The following ZNHIT3 variants were observed in gnomAD, a reference collection of about 807,000 sequenced individuals.
ZNHIT3 encodes the protein zinc finger HIT domain-containing protein 3.
ZNHIT3 carries 27 observed loss-of-function variants against 19.9 expected under a neutral mutation model. That is an observed-to-expected ratio of 1.36 (90% CI 1.00 to 1.87). The LOEUF (loss-of-function observed/expected upper bound fraction) is 1.87. Ranked by LOEUF, ZNHIT3 falls within the 40% of genes most tolerant of loss-of-function variation. The pLI is 0.00. For missense variants in ZNHIT3, 215 were observed against 185.6 expected (o/e 1.16, Z -0.92); for synonymous variants, 81 against 65.7 (o/e 1.23, Z -1.13).
chr17:36,492,751 G>A, intron 2 of ZNHIT3, 62 bp from the exon 3 acceptor site: 1 of 1,457,400 alleles, frequency 6.9e-7, no homozygotes, highest in African/African-American at 1.4e-5. Flanking sequence ...ACCTTGGTAG[G>A]GAGGTGCAGC....
chr17:36,486,810 A>G, intron 1 of ZNHIT3, 25 bp downstream of exon 1: 1 of 1,441,734 alleles, frequency 6.9e-7, no homozygotes. Flanking sequence ...CGCGGGGTCC[A>G]GGGGCGCGGG....
chr17:36,495,125 GATAGTTTT>G, intron 4 of ZNHIT3, 90 bp from the exon 5 acceptor site: 1 of 1,434,880 alleles, frequency 7.0e-7, no homozygotes, highest in Non-Finnish European at 9.3e-7. Context: ...ACACCTTGCT[GATAGTTTT>G]ATTACACTTG....
At position 36,495,806 on chromosome 17, in the gene ZNHIT3, A is replaced by T. The variant is rs2070918172; in HGVS notation, c.*402A>T. On this transcript the variant is annotated 3_prime_UTR_variant, in exon 5 of 5. Coordinates refer to ENST00000617429, the MANE Select transcript of ZNHIT3 (RefSeq NM_004773.4). ...GTTTGAAATTACATTAAATAAATCA[A>T]CTAATTAAATACTAAAGTTTTGTTC... The T allele has an allele frequency of 1.6e-6, 2 of 1,241,228 alleles. No homozygotes were observed. 76.9% of individuals were successfully genotyped at this position (1,241,228 alleles called of 1,614,324 possible).
At chr17:36,489,983 A>G (rs1374925017) in intron 2 of ZNHIT3, 1 of 139,386 alleles carries the variant, frequency 7.2e-6, no homozygotes, top group Non-Finnish European at 1.5e-5. Context: ...TGTATTCTAG[A>G]TATTAATCCT....
At chr17:36,498,007 A>G (rs1191121050), downstream of ZNHIT3, 2 of 483,258 alleles carry the variant, frequency 4.1e-6, no homozygotes, top group Non-Finnish European at 7.3e-6. Flanking sequence ...GCATTTGGAA[A>G]TGGGACTAGA....
At chr17:36,491,841 C>T (rs955236369) in intron 2 of ZNHIT3, 5 of 152,192 alleles carry the variant, frequency 3.3e-5, no homozygotes, top group Admixed American at 6.5e-5. Flanking sequence ...ATAGCATAGC[C>T]GTAAAGTTAG....
At chr17:36,497,332 A>C (rs1238214502), downstream of ZNHIT3, among the ~76,000 whole-genome samples, 1 of 151,678 alleles carries the variant, frequency 6.6e-6, no homozygotes, top group Non-Finnish European at 1.5e-5. Flanking sequence ...AAAAAAAAAA[A>C]AACCCACAGA....
Position 36,490,171 on chromosome 17 carries a change from C to T in ZNHIT3, c.119-2642C>T, listed in dbSNP as rs141544040. The T allele has an allele frequency of 1.4e-3, 206 of 152,138 alleles. 2 individuals are homozygous for T. The highest frequency in any genetic ancestry group is 4.6e-3 in the African/African-American group (189 of 41,496). 9.4% of individuals were successfully genotyped at this position (152,138 alleles called of 1,614,324 possible). On this transcript the variant is annotated intron_variant, in intron 2 of 4. Coordinates refer to ENST00000617429, the MANE Select transcript of ZNHIT3 (RefSeq NM_004773.4). ...ATAAAATCTTTGCCTAGACCAATGT[C>T]CTGAAGCATTTCCCCTGTGTTTTCT...
chr17:36,489,955 T>TTTTTTTG (rs57745765), intron 2 of ZNHIT3: 34 of 150,096 alleles, frequency 2.3e-4, no homozygotes, highest in African/African-American at 8.4e-4. Context: ...TTTTTTTTTT[T>TTTTTTTG]GGCTGTTGAG....
At chr17:36,495,885 T>A (rs1269629644), downstream of ZNHIT3, 7 of 1,234,134 alleles carry the variant, frequency 5.7e-6, no homozygotes, top group Middle Eastern at 3.1e-4. Flanking sequence ...CCAGCGCCAA[T>A]TTTAGGCCAA....
chr17:36,490,767 TAATA>T (rs1478281802), intron 2 of ZNHIT3: 4 of 152,366 alleles, frequency 2.6e-5, no homozygotes, highest in Admixed American at 6.5e-5. Context: ...AAGTGGTATT[TAATA>T]AATAATTTTT....
intron 2 of ZNHIT3, chr17:36,491,265 G>A (rs1169582317): frequency 2.0e-5 from 3 of 152,252 alleles, no homozygotes; most frequent in Non-Finnish European, 4.4e-5. Context: ...GCCTGACCCT[G>A]TTACAGCTTC....
At chr17:36,497,584 C>A, downstream of ZNHIT3, 1 of 982,106 alleles carries the variant, frequency 1.0e-6, no homozygotes, top group Non-Finnish European at 1.2e-6. Flanking sequence ...TTACCCTAAA[C>A]CAAACTTTTT....
At chr17:36,487,677 G>C (rs1274035782) in intron 2 of ZNHIT3, among the ~76,000 whole-genome samples, 2 of 152,068 alleles carry the variant, frequency 1.3e-5, no homozygotes, top group Admixed American at 6.5e-5. Flanking sequence ...TGTAATCCCA[G>C]CTACTCAGGA....
At chr17:36,496,492 G>C, downstream of ZNHIT3, 2 of 1,330,692 alleles carry the variant, frequency 1.5e-6, no homozygotes, top group Non-Finnish European at 2.1e-6. Context: ...CGCTAAAAAT[G>C]CAAGAAGGTA....
chr17:36,497,226 T>C (rs1005454184), downstream of ZNHIT3, among the ~76,000 whole-genome samples: 1 of 150,462 alleles, frequency 6.6e-6, no homozygotes, highest in African/African-American at 2.5e-5. Flanking sequence ...TAGTCCCAGC[T>C]ATTCGGGAGG....
chr17:36,498,954 A>C (rs1336182955), downstream of ZNHIT3: 1 of 727,632 alleles, frequency 1.4e-6, no homozygotes, highest in Non-Finnish European at 2.3e-6. Flanking sequence ...AGGCTCAGAG[A>C]GGCTAAACAA....
intron 2 of ZNHIT3, 102 bp from the exon 3 acceptor site, chr17:36,492,710 AC>A: frequency 1.0e-6 from 1 of 980,492 alleles, no homozygotes; most frequent in South Asian, 1.5e-5. Context: ...CACATCCCTT[AC>A]CCCAGACACT....
Position 36,486,869 on chromosome 17 carries a change from G to A in ZNHIT3, c.87-66G>A, listed in dbSNP as rs542033659. On this transcript the variant is annotated intron_variant, in intron 1 of 4. Coordinates refer to ENST00000617429, the MANE Select transcript of ZNHIT3 (RefSeq NM_004773.4). ...GGAGGCCGGGAGGCCGGGCGGGAGC[G>A]GGCGGGCTGCTGGAGGGGCCGGGGA... 3.5e-5 allele frequency: 55 copies of A among 1,591,680 alleles called. No individual in the cohort carries two copies. In the South Asian group the frequency reaches 5.6e-4, roughly 16 times the overall value.
Sources: gnomAD v4.1 joint callset for allele counts (sites outside exome capture counted in the v4.1 genomes callset) on GRCh38, gnomAD v4.1.1 for gene constraint, MANE v1.5 for transcripts, NCBI Gene and HGNC (gene_info 2026-07-23, HGNC 2026-07-21) for gene names.